SEC16A: variants seen among roughly 807,000 people sequenced by gnomAD.
The protein encoded by SEC16A is SEC16 homolog A, endoplasmic reticulum export factor.
SEC16A carries 110 observed loss-of-function variants against 221.9 expected under a neutral mutation model. That is an observed-to-expected ratio of 0.50 (90% CI 0.42 to 0.58). The LOEUF (loss-of-function observed/expected upper bound fraction) is 0.58, where lower values mean the gene tolerates loss of function less well. Ranked by LOEUF, SEC16A falls within the 20% of genes least tolerant of loss-of-function variation. The probability of loss-of-function intolerance (pLI) is 0.00; values close to 1 mark genes in which losing one functional copy is unlikely to be tolerated. For synonymous variants in SEC16A, 1,393 were observed against 1,257.7 expected (o/e 1.11, Z -2.28); for missense variants, 3,165 against 3,097.8 (o/e 1.02, Z -0.52).
At chr9:136,483,626 G>A (rs1842695705), upstream of SEC16A, 2 of 985,378 alleles carry the variant, frequency 2.0e-6, no homozygotes, top group Non-Finnish European at 2.4e-6. Context: ...GATGTGAGAA[G>A]AGATGGGATT....
At chr9:136,445,182 T>G in intron 29 of SEC16A, 71 bp from the exon 30 acceptor site, 1 of 1,330,888 alleles carries the variant, frequency 7.5e-7, no homozygotes, top group Middle Eastern at 1.8e-4. Flanking sequence ...CAATCCAAGC[T>G]GTCAGTTCCA....
intron 3 of SEC16A, among the ~76,000 whole-genome samples, chr9:136,472,741 A>T (rs1376053240): frequency 2.0e-5 from 3 of 152,210 alleles, no homozygotes; most frequent in Non-Finnish European, 4.4e-5. Flanking sequence ...CCCCGGACAC[A>T]CGCCAGAATT....
chr9:136,444,968 C>A (rs377564188), intron 30 of SEC16A, 84 bp downstream of exon 30: 1 of 1,203,918 alleles, frequency 8.3e-7, no homozygotes, highest in Non-Finnish European at 1.2e-6. Context: ...GCAAAGCGCA[C>A]GTGGCGAACC....
chr9:136,445,248 G>C (rs1418587292), intron 29 of SEC16A, 137 bp from the exon 30 acceptor site: 1 of 739,646 alleles, frequency 1.4e-6, no homozygotes, highest in Non-Finnish European at 2.3e-6. Context: ...GGAAAAAAAA[G>C]CCAGTGTTAG....
In SEC16A at chr9:136,446,952, G is replaced by A; in HGVS notation, c.6698-3C>T. The A allele has an allele frequency of 6.2e-7, 1 of 1,613,620 alleles. No individual in the cohort carries two copies. Among genetic ancestry groups the A allele is most frequent in the Non-Finnish European group, 8.5e-7 (1 of 1,179,880 alleles). ...TGGAAGCTGTGGTTCTTCTGCATCT[G>A]GGGATGAGAGAGCGAGGAGGCCATC... On this transcript the variant is annotated splice_region_variant and splice_polypyrimidine_tract_variant and intron_variant, in intron 27 of 31. Transcript: ENST00000684901.
At chr9:136,455,450 G>A in intron 20 of SEC16A, 151 bp downstream of exon 20, 1 of 708,256 alleles carries the variant, frequency 1.4e-6, no homozygotes. Flanking sequence ...AGGAGACCGA[G>A]GAGCCCCACA....
At chr9:136,472,209 AT>A in intron 3 of SEC16A, 98 bp from the exon 4 acceptor site, 1 of 1,411,272 alleles carries the variant, frequency 7.1e-7, no homozygotes, top group Admixed American at 1.9e-5. Context: ...GGCGGGCAGC[AT>A]TAGATACCTA....
intron 23 of SEC16A, among the ~76,000 whole-genome samples, chr9:136,450,136 G>A (rs1193518321): frequency 1.3e-5 from 2 of 152,036 alleles, no homozygotes; most frequent in African/African-American, 4.8e-5. Context: ...CCTGGGAGGC[G>A]GAGGTTGCAG....
At chr9:136,461,129 G>C (rs766922599) in intron 13 of SEC16A, 48 bp downstream of exon 13, 4 of 1,467,782 alleles carry the variant, frequency 2.7e-6, no homozygotes, top group Middle Eastern at 1.8e-4. Context: ...GCGTGCTACA[G>C]GGAGCCAGCA....
chr9:136,483,363 TCA>T (rs1183828245), upstream of SEC16A: 1 of 407,548 alleles, frequency 2.5e-6, no homozygotes, highest in Non-Finnish European at 3.1e-6. Flanking sequence ...GTTCCTCGCC[TCA>T]TTCTTTCGTC....
Position 136,474,572 on chromosome 9 carries a change from T to C in SEC16A, c.3044A>G (p.Asp1015Gly), listed in dbSNP as rs746808121. 2.5e-6 allele frequency: 4 copies of C among 1,612,912 alleles called. No homozygotes were observed. Among genetic ancestry groups the C allele is most frequent in the Non-Finnish European group, 3.4e-6 (4 of 1,179,848 alleles). ...PVNVYNPSHS[D>G]SLASQQSVAS... ...AACACTTTGCTGAGAAGCGAGGCTG[T>C]CAGAATGGGACGGGTTGTACACGTT... The change falls in exon 3 of 32, where the codon GAC becomes GGC. Residue 1015 changes from aspartate to glycine, a missense_variant. Transcript: ENST00000684901.
Position 136,476,534 on chromosome 9 carries a change from G to C in SEC16A, c.1082C>G (p.Pro361Arg). The C allele has an allele frequency of 1.2e-6, 2 of 1,612,494 alleles. No homozygotes were observed. Among genetic ancestry groups the C allele is most frequent in the Middle Eastern group, 1.7e-4 (1 of 6,060 alleles). Residue 361 changes from proline (P) to arginine (R), a missense_variant, in exon 3 of 32, where the codon CCG becomes CGG. Physicochemically the swap from Pro to Arg is moderately radical, Grantham distance 103. Coordinates refer to ENST00000684901, the MANE Select transcript of SEC16A (RefSeq NM_014866.2). ...LGAGAGSGCAPLEADSGASGA... is the reference protein window; with the variant it reads ...LGAGAGSGCARLEADSGASGA... The stretch of plus-strand genomic sequence containing the variant: ...TGAAGCTCCTGAGTCTGCTTCTAGC[G>C]GGGCACAGCCAGACCCGGCCCCAGC...
rs1422214972 is a variant in SEC16A, at chr9:136,445,125, A to G, written c.6868-14T>C. 6.3e-7 allele frequency: 1 copy of G among 1,599,806 alleles called. No individual in the cohort carries two copies. Among genetic ancestry groups the G allele is most frequent in the East Asian group, 2.2e-5 (1 of 44,494 alleles). On this transcript the variant is annotated splice_polypyrimidine_tract_variant and intron_variant, in intron 29 of 31. Transcript: ENST00000684901. ...ACAGCGCGAAAGCTACAAAACAGCA[A>G]GAACACACATAAAACACGGACGAAA...
rs776833946 is a variant in SEC16A, at chr9:136,454,336, G to C, written c.5858-9C>G. 9.0e-6 allele frequency: 14 copies of C among 1,562,080 alleles called. No homozygotes were observed. Among genetic ancestry groups the C allele is most frequent in the Non-Finnish European group, 1.1e-5 (13 of 1,153,314 alleles). Reference sequence around the variant, plus strand: ...AGGGAGCGTCTGCGGAGCTGCATGGGAACGGTGGAGAAGAGGTCTGGGGTT... The same window carrying C: ...AGGGAGCGTCTGCGGAGCTGCATGGCAACGGTGGAGAAGAGGTCTGGGGTT... On this transcript the variant is annotated splice_polypyrimidine_tract_variant and intron_variant, in intron 20 of 31. Transcript: ENST00000684901.
Position 136,472,002 on chromosome 9 carries a change from C to T in SEC16A, c.3677G>A (p.Ser1226Asn), listed in dbSNP as rs755543118. ...GGGAGGTGGCCGTTCCGAGGAGTGG[C>T]TGGCTCGGGAGCTGGGCCGCTCGGG... Reference protein sequence around the residue: ...PEPERPSSRASHSSERPPPRQ... With the variant: ...PEPERPSSRANHSSERPPPRQ... The change falls in exon 4 of 32, where the codon AGC becomes AAC. Residue 1226 changes from serine (S) to asparagine (N), a missense_variant. Physicochemically the swap from Ser to Asn is conservative, Grantham distance 46. Coordinates refer to ENST00000684901, the MANE Select transcript of SEC16A (RefSeq NM_014866.2). 6 of 1,611,600 alleles carry T rather than the reference C, an allele frequency of 3.7e-6. No individual in the cohort carries two copies. Among genetic ancestry groups the T allele is most frequent in the Non-Finnish European group, 5.1e-6 (6 of 1,179,878 alleles).
At chr9:136,471,597 AGCT>A (rs1332724309) in intron 4 of SEC16A, among the ~76,000 whole-genome samples, 8 of 152,190 alleles carry the variant, frequency 5.3e-5, no homozygotes, top group Non-Finnish European at 1.2e-4. Flanking sequence ...ACCGGTGAAA[AGCT>A]GCCGTGTCTC....
At chr9:136,458,231 AG>A (rs1471083758) in intron 17 of SEC16A, among the ~76,000 whole-genome samples, 5 of 151,598 alleles carry the variant, frequency 3.3e-5, no homozygotes, top group Non-Finnish European at 7.4e-5. Flanking sequence ...GGCCTCCTAA[AG>A]TGCTGGGATT....
chr9:136,474,752 G>C lies in SEC16A; in HGVS notation c.2864C>G (p.Ala955Gly). The C allele has an allele frequency of 6.2e-7, 1 of 1,613,942 alleles. No individual in the cohort carries two copies. The highest frequency in any genetic ancestry group is 8.5e-7 in the Non-Finnish European group (1 of 1,179,894). ...RKAGSALPGFANSPAGSTSVV... is the reference protein window; with the variant it reads ...RKAGSALPGFGNSPAGSTSVV... ...ACTTGTGCTTCCAGCAGGGCTATTA[G>C]CAAATCCGGGAAGAGCACTTCCTGC... The change falls in exon 3 of 32, where the codon GCT becomes GGT. Residue 955 changes from alanine to glycine, a missense_variant. Ala to Gly is a moderately conservative substitution (Grantham distance 60). Transcript: ENST00000684901.
At chr9:136,450,868 G>T (rs1837691433) in intron 23 of SEC16A, among the ~76,000 whole-genome samples, 1 of 152,198 alleles carries the variant, frequency 6.6e-6, no homozygotes, top group African/African-American at 2.4e-5. Context: ...GGCTCCTGGG[G>T]CCTGACGGAT....
Sources: allele counts gnomAD v4.1 joint callset (sites outside exome capture counted in the v4.1 genomes callset), GRCh38; gene constraint gnomAD v4.1.1; transcripts MANE v1.5; gene names NCBI Gene and HGNC (gene_info 2026-07-23, HGNC 2026-07-21).